Variants in PSD3 observed in about 807,000 individuals in gnomAD.
The protein encoded by PSD3 is pleckstrin and Sec7 domain containing 3.
In PSD3, 49 loss-of-function variants were observed where a neutral mutation model predicts 105.5. That is an observed-to-expected ratio of 0.46 (90% CI 0.37 to 0.59). The LOEUF is 0.59. Ranked by LOEUF, PSD3 falls within the 20% of genes least tolerant of loss-of-function variation. The pLI is 0.00. For synonymous variants in PSD3, 557 were observed against 457.8 expected (o/e 1.22, Z -2.77); for missense variants, 1,561 against 1,263.8 (o/e 1.24, Z -3.57).
chr8:18,762,351 C>A (rs1052382697), intron 9 of PSD3, among the ~76,000 whole-genome samples: 3 of 152,116 alleles, frequency 2.0e-5, no homozygotes, highest in African/African-American at 7.2e-5. Flanking sequence ...TGAGGCCTCC[C>A]TAGAAGCCAA....
chr8:18,575,060 G>C, intron 13 of PSD3, 68 bp downstream of exon 13: 1 of 1,473,854 alleles, frequency 6.8e-7, no homozygotes, highest in East Asian at 2.4e-5. Flanking sequence ...GCTTGATTTT[G>C]TTCCTTGCAA....
At chr8:18,783,760 G>A (rs1438699291) in intron 8 of PSD3, among the ~76,000 whole-genome samples, 1 of 152,142 alleles carries the variant, frequency 6.6e-6, no homozygotes, top group Non-Finnish European at 1.5e-5. Context: ...AGCCACTCGA[G>A]TAACTGGGAT....
At chr8:18,653,501 C>T (rs2130845220) in intron 10 of PSD3, among the ~76,000 whole-genome samples, 1 of 152,250 alleles carries the variant, frequency 6.6e-6, no homozygotes, top group South Asian at 2.1e-4. Context: ...AATATTTGCT[C>T]AGTCTTGCAA....
chr8:19,033,249 A>T (rs1004336225), intron 1 of PSD3, among the ~76,000 whole-genome samples: 1 of 151,590 alleles, frequency 6.6e-6, no homozygotes, highest in African/African-American at 2.4e-5. Context: ...CATTTTTTTT[A>T]TGTGAGATTT....
chr8:18,782,512 G>C (rs1186738294), intron 8 of PSD3, among the ~76,000 whole-genome samples: 1 of 152,158 alleles, frequency 6.6e-6, no homozygotes, highest in African/African-American at 2.4e-5. Flanking sequence ...GTGAGGCTTT[G>C]CTAGTGAAAG....
intron 8 of PSD3, among the ~76,000 whole-genome samples, chr8:18,780,188 G>A (rs1025624731): frequency 2.6e-5 from 4 of 152,016 alleles, no homozygotes; most frequent in Non-Finnish European, 4.4e-5. Context: ...CTTCTTTGCC[G>A]CTTTTTGGCT....
chr8:18,588,049 G>A (rs10096365), intron 12 of PSD3, among the ~76,000 whole-genome samples: 3,377 of 152,122 alleles, frequency 0.022, 134 homozygotes, highest in African/African-American at 0.078. Context: ...CCTGGCCAAG[G>A]GGAAGAAGTT....
At chr8:18,697,333 C>T (rs918034720) in intron 9 of PSD3, among the ~76,000 whole-genome samples, 1 of 152,100 alleles carries the variant, frequency 6.6e-6, no homozygotes, top group African/African-American at 2.4e-5. Flanking sequence ...ATTGTCAGTA[C>T]TTTTACCATC....
At chr8:18,689,699 G>C (rs949934184) in intron 9 of PSD3, among the ~76,000 whole-genome samples, 1 of 152,202 alleles carries the variant, frequency 6.6e-6, no homozygotes, top group Non-Finnish European at 1.5e-5. Flanking sequence ...AGGCTGATTT[G>C]GGAGTGACAG....
intron 1 of PSD3, among the ~76,000 whole-genome samples, chr8:18,997,517 C>T (rs759494955): frequency 1.3e-5 from 2 of 152,002 alleles, no homozygotes; most frequent in Non-Finnish European, 2.9e-5. Flanking sequence ...GACACAGCAG[C>T]AGCATGTCCT....
At chr8:18,993,210 T>C (rs990443036) in intron 1 of PSD3, among the ~76,000 whole-genome samples, 6 of 152,276 alleles carry the variant, frequency 3.9e-5, no homozygotes, top group African/African-American at 1.4e-4. Context: ...TCTCTTTAGA[T>C]CATATTCTTT....
At chr8:18,635,288 C>T (rs1020267373) in intron 10 of PSD3, among the ~76,000 whole-genome samples, 2 of 152,106 alleles carry the variant, frequency 1.3e-5, no homozygotes, top group Non-Finnish European at 2.9e-5. Context: ...GTTCTTCTTA[C>T]TGGAGAACAG....
chr8:18,793,382 A>C (rs1205496830), intron 8 of PSD3, among the ~76,000 whole-genome samples: 1 of 150,096 alleles, frequency 6.7e-6, no homozygotes, highest in African/African-American at 2.4e-5. Context: ...GAAAAAAAAA[A>C]CAAAACAAAA....
chr8:19,003,702 G>A (rs1826518944), intron 1 of PSD3, among the ~76,000 whole-genome samples: 1 of 151,308 alleles, frequency 6.6e-6, no homozygotes, highest in Non-Finnish European at 1.5e-5. Flanking sequence ...ATGTCTGTGA[G>A]CCTGGCTTAA....
chr8:18,626,716 C>T (rs1442554997), intron 11 of PSD3, among the ~76,000 whole-genome samples: 6 of 152,072 alleles, frequency 3.9e-5, no homozygotes, highest in Non-Finnish European at 4.4e-5. Context: ...ACAATTAAGG[C>T]ATTCTGGTAG....
chr8:18,913,453 C>T (rs1456603289), intron 2 of PSD3, among the ~76,000 whole-genome samples: 1 of 152,110 alleles, frequency 6.6e-6, no homozygotes, highest in African/African-American at 2.4e-5. Context: ...TGGCCAAAGG[C>T]TTCAGACCTG....
intron 9 of PSD3, among the ~76,000 whole-genome samples, chr8:18,708,734 C>T (rs933376958): frequency 6.6e-6 from 1 of 151,720 alleles, no homozygotes; most frequent in African/African-American, 2.4e-5. Context: ...GGCTCCCACC[C>T]AGAGGAACAA....
intron 9 of PSD3, among the ~76,000 whole-genome samples, chr8:18,731,180 C>T (rs1248568362): frequency 2.0e-5 from 3 of 152,224 alleles, no homozygotes; most frequent in Middle Eastern, 3.4e-3. Context: ...CGCTTGAACC[C>T]GGGAAGCGGA....
chr8:18,553,846 C>A (rs947012101), intron 15 of PSD3, among the ~76,000 whole-genome samples: 1 of 152,138 alleles, frequency 6.6e-6, no homozygotes, highest in Non-Finnish European at 1.5e-5. Context: ...CAGCTATCCT[C>A]GCGCCTTTCT....
Sources: allele counts gnomAD v4.1 joint callset (sites outside exome capture counted in the v4.1 genomes callset), GRCh38; gene constraint gnomAD v4.1.1; transcripts MANE v1.5; gene names NCBI Gene and HGNC (gene_info 2026-07-23, HGNC 2026-07-21).